CNTLN: variants seen among roughly 807,000 people sequenced by gnomAD.
CNTLN encodes centlein.
In CNTLN, 212 loss-of-function variants were observed where a neutral mutation model predicts 180.0. The observed-to-expected ratio is 1.18, with a 90% CI of 1.05 to 1.32. The LOEUF (loss-of-function observed/expected upper bound fraction) is 1.32, where lower values mean the gene tolerates loss of function less well. CNTLN is among the 40% of genes most tolerant of loss of function. CNTLN has a pLI of 0.00. For synonymous variants in CNTLN, 722 were observed against 563.1 expected (o/e 1.28, Z -3.99); for missense variants, 2,095 against 1,610.9 (o/e 1.30, Z -5.14).
chr9:17,388,699 A>AC lies in CNTLN; in HGVS notation c.2079+446_2079+447insC, dbSNP rs577763953. Reference sequence around the variant, plus strand: ...TATAGTTTTAATGTTAAACATGAAAATATACGTGACTCTTCTCATTTTAGA... The same window carrying AC: ...TATAGTTTTAATGTTAAACATGAAAACTATACGTGACTCTTCTCATTTTAGA... On this transcript the variant is annotated intron_variant, in intron 14 of 25. Transcript: ENST00000380647. 1.2e-4 allele frequency among the ~76,000 whole-genome samples: 19 copies of AC among 152,046 alleles called. No homozygotes were observed. In the East Asian group the frequency reaches 3.7e-3, roughly 29 times the overall value.
chr9:17,176,027 T>G (rs1308311197), intron 2 of CNTLN, among the ~76,000 whole-genome samples: 2 of 152,136 alleles, frequency 1.3e-5, no homozygotes, highest in African/African-American at 4.8e-5. Context: ...TCTATTGTAA[T>G]TATCTATTGT....
chr9:17,224,192 A>G (rs765832935), intron 2 of CNTLN, among the ~76,000 whole-genome samples: 12 of 151,958 alleles, frequency 7.9e-5, no homozygotes, highest in Non-Finnish European at 1.5e-4. Context: ...TTGACATACT[A>G]TGTATTATTT....
At chr9:17,399,429 T>G (rs1008576105) in intron 15 of CNTLN, among the ~76,000 whole-genome samples, 4 of 152,246 alleles carry the variant, frequency 2.6e-5, no homozygotes, top group African/African-American at 9.6e-5. Flanking sequence ...TTCTATGTAT[T>G]TAGCCTGTCT....
chr9:17,319,401 C>G (rs1319181398), intron 8 of CNTLN, among the ~76,000 whole-genome samples: 2 of 152,148 alleles, frequency 1.3e-5, no homozygotes, highest in Non-Finnish European at 2.9e-5. Flanking sequence ...TAATAGGAGA[C>G]TAAGTGGAAA....
chr9:17,295,701 G>C lies in CNTLN; in HGVS notation c.984-2489G>C, dbSNP rs368632184. Among the ~76,000 whole-genome samples the C allele has an allele frequency of 3.3e-5, 5 of 152,114 alleles. No homozygotes were observed. In the South Asian group the frequency reaches 1.0e-3, roughly 32 times the overall value. On this transcript the variant is annotated intron_variant, in intron 6 of 25. Transcript: ENST00000380647. ...GATCTGGACAAATTCAGTGCTTTCC[G>C]CTGGTTCAGATGTGTGAGTTGTGCG...
chr9:17,341,054 G>A, intron 11 of CNTLN, 106 bp downstream of exon 11: 1 of 1,020,956 alleles, frequency 9.8e-7, no homozygotes. Context: ...GAAATTATTT[G>A]GTAGTCAAAT....
At chr9:17,240,589 T>C (rs1825422699) in intron 5 of CNTLN, among the ~76,000 whole-genome samples, 1 of 152,216 alleles carries the variant, frequency 6.6e-6, no homozygotes, top group Non-Finnish European at 1.5e-5. Context: ...TTTGTCCCTT[T>C]TAAAATCAGA....
At chr9:17,512,501 A>G in the CNTLN span, among the ~76,000 whole-genome samples, 4 of 152,174 alleles carry the variant, frequency 2.6e-5, no homozygotes, top group African/African-American at 9.7e-5. Flanking sequence ...GAAACAGTCG[A>G]CTACAAAATA....
At chr9:17,494,161 A>G (rs971203225) in intron 25 of CNTLN, among the ~76,000 whole-genome samples, 1 of 152,216 alleles carries the variant, frequency 6.6e-6, no homozygotes, top group African/African-American at 2.4e-5. Context: ...TTAGTATGCT[A>G]GTGATTTCTC....
chr9:17,497,424 C>G, intron 25 of CNTLN, among the ~76,000 whole-genome samples: 1 of 152,094 alleles, frequency 6.6e-6, no homozygotes, highest in Non-Finnish European at 1.5e-5. Context: ...TTACCATAGC[C>G]CTAAAGAACT....
intron 14 of CNTLN, among the ~76,000 whole-genome samples, chr9:17,392,938 T>C (rs1158436561): frequency 6.6e-6 from 1 of 152,178 alleles, no homozygotes. Context: ...TTTTATCTTG[T>C]ATATTTCTGG....
Position 17,288,362 on chromosome 9 carries a change from G to A in CNTLN, c.984-9828G>A, listed in dbSNP as rs1440865980. ...CTGAGTTCTAGTTTGATTGCACTGC[G>A]GTCTGAGAGATAGTTTGTTATAATT... On this transcript the variant is annotated intron_variant, in intron 6 of 25. Transcript: ENST00000380647. Among the ~76,000 whole-genome samples, 12 of 123,020 alleles carry A rather than the reference G, an allele frequency of 9.8e-5. 1 individual carries two copies. Among genetic ancestry groups the A allele is most frequent in the Admixed American group, 8.8e-4 (11 of 12,508 alleles). 80.7% of individuals were successfully genotyped at this position (123,020 alleles called of 152,430 possible).
At chr9:17,287,442 C>T (rs1829057052) in intron 6 of CNTLN, among the ~76,000 whole-genome samples, 1 of 151,106 alleles carries the variant, frequency 6.6e-6, no homozygotes, top group Non-Finnish European at 1.5e-5. Flanking sequence ...CATCAATGTT[C>T]ATCAAGGATA....
At chr9:17,201,512 A>C (rs1331122973) in intron 2 of CNTLN, among the ~76,000 whole-genome samples, 1 of 152,048 alleles carries the variant, frequency 6.6e-6, no homozygotes, top group African/African-American at 2.4e-5. Flanking sequence ...TCAATTGCAG[A>C]ACTTGTTATT....
At chr9:17,471,798 G>C (rs895345537) in intron 23 of CNTLN, among the ~76,000 whole-genome samples, 2 of 152,068 alleles carry the variant, frequency 1.3e-5, no homozygotes, top group Non-Finnish European at 2.9e-5. Flanking sequence ...TTTTGTAACA[G>C]ATAAGAGAGA....
At chr9:17,386,445 C>T (rs1825689115) in intron 13 of CNTLN, among the ~76,000 whole-genome samples, 1 of 152,148 alleles carries the variant, frequency 6.6e-6, no homozygotes, top group Non-Finnish European at 1.5e-5. Flanking sequence ...TAAAGTGAAG[C>T]ATATGCTCAC....
At chr9:17,205,373 T>A (rs1033202729) in intron 2 of CNTLN, among the ~76,000 whole-genome samples, 1 of 152,162 alleles carries the variant, frequency 6.6e-6, no homozygotes, top group Non-Finnish European at 1.5e-5. Context: ...GCAAATTGCA[T>A]TGGGAACAGG....
intron 13 of CNTLN, among the ~76,000 whole-genome samples, chr9:17,367,212 G>C (rs777536482): frequency 6.6e-6 from 1 of 152,188 alleles, no homozygotes; most frequent in Non-Finnish European, 1.5e-5. Flanking sequence ...GTGACTGTTG[G>C]ACTTTGCATT....
At chr9:17,174,147 T>C (rs1820575208) in intron 2 of CNTLN, among the ~76,000 whole-genome samples, 1 of 152,226 alleles carries the variant, frequency 6.6e-6, no homozygotes, top group African/African-American at 2.4e-5. Context: ...GGTGATTCTT[T>C]CAAATTTTTG....
Sources: gnomAD v4.1 joint callset for allele counts (sites outside exome capture counted in the v4.1 genomes callset) on GRCh38, gnomAD v4.1.1 for gene constraint, MANE v1.5 for transcripts, NCBI Gene and HGNC (gene_info 2026-07-23, HGNC 2026-07-21) for gene names.